Variants in CTNNA2 observed in about 807,000 individuals in gnomAD.
CTNNA2 encodes the protein catenin alpha-2.
In CTNNA2, 42 loss-of-function variants were observed where a neutral mutation model predicts 101.0. The observed-to-expected ratio is 0.42, with a 90% CI of 0.32 to 0.54. The LOEUF (loss-of-function observed/expected upper bound fraction) is 0.54, where lower values mean the gene tolerates loss of function less well. Ranked by LOEUF, CTNNA2 falls within the 20% of genes least tolerant of loss-of-function variation. The pLI, the probability that CTNNA2 is intolerant of heterozygous loss-of-function variation, is 0.14. For synonymous variants in CTNNA2, 450 were observed against 456.4 expected, an observed-to-expected ratio of 0.99 and a Z score of 0.18; for missense variants, 871 against 1,223.1, an observed-to-expected ratio of 0.71 and a Z score of 4.29.
At chr2:79,204,767 G>A (rs188294582) in intron 2 of CTNNA2, among the ~76,000 whole-genome samples, 3 of 152,312 alleles carry the variant, frequency 2.0e-5, no homozygotes, top group Non-Finnish European at 4.4e-5. Context: ...TGCCTTGATT[G>A]TTGCATCCTC....
At position 80,303,522 on chromosome 2, in the gene CTNNA2, G is replaced by A. The variant is rs1401927680; in HGVS notation, c.1057-89689G>A. The A allele has an allele frequency of 6.2e-7, 1 of 1,614,254 alleles. No homozygotes were observed. The highest frequency in any genetic ancestry group is 1.7e-5 in the Admixed American group (1 of 60,028). On this transcript the variant is annotated intron_variant, in intron 7 of 18. Coordinates refer to ENST00000402739, the MANE Select transcript of CTNNA2 (RefSeq NM_001282597.3). The surrounding 1 kb of genome is among the most constrained non-coding windows in gnomAD (Gnocchi z 7.7). ...GCGTCCCCCTGCACGGAGCAGATGT[G>A]ATTGTGATCCAGATAGAGCCACGTG... is the stretch of plus-strand genomic sequence containing the variant.
intron 2 of CTNNA2, among the ~76,000 whole-genome samples, chr2:79,288,932 CA>C (rs1192208212): frequency 6.6e-6 from 1 of 151,604 alleles, no homozygotes; most frequent in African/African-American, 2.4e-5. Context: ...AAAATTGAAA[CA>C]GAAAAAAGAA....
chr2:80,488,383 G>A (rs1474582205), intron 9 of CTNNA2, among the ~76,000 whole-genome samples: 1 of 152,146 alleles, frequency 6.6e-6, no homozygotes. Flanking sequence ...TATTTGGGTA[G>A]GGAAAATTCC....
chr2:80,610,785 T>C lies in CTNNA2; in HGVS notation c.2430+2467T>C, dbSNP rs1698400770. On this transcript the variant is annotated intron_variant, in intron 17 of 18. Transcript: ENST00000402739. ...CGTGTTTTTGTTTTATGTGATTCTA[T>C]GTATACAAACTGAGAAAGGCCTCTT... Among the ~76,000 whole-genome samples, 3 of 151,770 alleles carry C rather than the reference T, an allele frequency of 2.0e-5. No homozygotes were observed. In the South Asian group the frequency reaches 6.2e-4, roughly 31 times the overall value.
chr2:79,742,783 G>T (rs1375312135), intron 2 of CTNNA2, among the ~76,000 whole-genome samples: 1 of 152,098 alleles, frequency 6.6e-6, no homozygotes, highest in Non-Finnish European at 1.5e-5. Flanking sequence ...GCTAGTGTTT[G>T]TACTTAAATG....
intron 7 of CTNNA2, among the ~76,000 whole-genome samples, chr2:80,171,440 A>G (rs1705049951): frequency 6.6e-6 from 1 of 152,234 alleles, no homozygotes; most frequent in African/African-American, 2.4e-5. Context: ...AAAAGTAAAC[A>G]TTGTGGACAG....
intron 2 of CTNNA2, among the ~76,000 whole-genome samples, chr2:79,249,808 C>G (rs1256658950): frequency 6.6e-6 from 1 of 152,202 alleles, no homozygotes; most frequent in African/African-American, 2.4e-5. Context: ...TTAGTCCCCT[C>G]TTTAGATTAG....
chr2:79,714,961 C>T (rs540346434), intron 2 of CTNNA2, among the ~76,000 whole-genome samples: 5 of 148,134 alleles, frequency 3.4e-5, no homozygotes, highest in African/African-American at 1.0e-4. Flanking sequence ...GAGGCCAAGG[C>T]GGGCAGGTCA....
Position 79,726,591 on chromosome 2 carries a change from G to A in CTNNA2, c.103-17796G>A, listed in dbSNP as rs181355488. Among the ~76,000 whole-genome samples the A allele has an allele frequency of 1.2e-3, 181 of 152,200 alleles. 1 individual carries two copies. The highest frequency in any genetic ancestry group is 7.2e-4 in the Non-Finnish European group (49 of 68,002). On this transcript the variant is annotated intron_variant, in intron 2 of 18. Transcript: ENST00000402739. ...TCCTGAAACCATCCCTCCTCCCTCC[G>A]ACACATTCCCCCGGTGGAAAAATTG... is the stretch of plus-strand genomic sequence containing the variant.
chr2:79,258,845 C>CAAAAAAAAAA (rs869066159), intron 2 of CTNNA2, among the ~76,000 whole-genome samples: 1 of 91,372 alleles, frequency 1.1e-5, no homozygotes, highest in African/African-American at 4.7e-5. Flanking sequence ...AATCCTCTAC[C>CAAAAAAAAAA]AAAAAAAAAA....
intron 8 of CTNNA2, among the ~76,000 whole-genome samples, chr2:80,406,744 G>A (rs953837982): frequency 2.7e-5 from 4 of 146,472 alleles, no homozygotes; most frequent in Non-Finnish European, 6.0e-5. Context: ...GGAGAATGGC[G>A]TGAACCCGGG....
At chr2:80,460,733 C>T (rs181966955) in intron 9 of CTNNA2, among the ~76,000 whole-genome samples, 6 of 152,230 alleles carry the variant, frequency 3.9e-5, no homozygotes, top group Admixed American at 3.9e-4. Flanking sequence ...TTGCAACTTG[C>T]TTTTCTTATT....
chr2:79,606,651 TA>T (rs1341750217), intron 1 of CTNNA2, among the ~76,000 whole-genome samples: 18 of 152,168 alleles, frequency 1.2e-4, no homozygotes, highest in Admixed American at 1.1e-3. Context: ...GCCAGTTGAA[TA>T]AGTCCATAAG....
intron 3 of CTNNA2, among the ~76,000 whole-genome samples, chr2:79,323,051 G>C (rs1261977987): frequency 2.0e-5 from 3 of 152,136 alleles, no homozygotes; most frequent in Admixed American, 2.0e-4. Flanking sequence ...GAGCAGTGTA[G>C]AGGATAAACA....
chr2:79,897,843 A>G (rs1285646471), intron 6 of CTNNA2, among the ~76,000 whole-genome samples: 3 of 152,166 alleles, frequency 2.0e-5, no homozygotes, highest in Non-Finnish European at 4.4e-5. Flanking sequence ...TGCTCCCAAG[A>G]TGGTGCCCTT....
intron 1 of CTNNA2, among the ~76,000 whole-genome samples, chr2:79,193,653 G>T (rs953038620): frequency 2.6e-5 from 4 of 152,118 alleles, no homozygotes; most frequent in African/African-American, 4.8e-5. Context: ...TTCAAATAGG[G>T]CATCTCTAGT....
intron 7 of CTNNA2, among the ~76,000 whole-genome samples, chr2:80,100,015 C>T (rs942201950): frequency 2.0e-5 from 3 of 152,080 alleles, no homozygotes; most frequent in African/African-American, 4.8e-5. Context: ...CTGCAACCTC[C>T]ACCTCCCAGA....
chr2:79,798,114 G>A (rs1042837663), intron 3 of CTNNA2, among the ~76,000 whole-genome samples: 9 of 152,052 alleles, frequency 5.9e-5, no homozygotes. Flanking sequence ...CCCCATACTA[G>A]AACTGCTGAA....
chr2:80,061,669 A>G lies in CTNNA2; in HGVS notation c.1056+151872A>G, dbSNP rs1697609639. On this transcript the variant is annotated intron_variant, in intron 7 of 18. Transcript: ENST00000402739. ...TACTTCCTTTTTTGTTCAAATATAT[A>G]TATATGCATCTATCATTACATTTTA... 2.6e-5 allele frequency among the ~76,000 whole-genome samples: 4 copies of G among 152,308 alleles called. No homozygotes were observed. The South Asian group carries it at 8.3e-4, about 32-fold the overall frequency.
Sources: gnomAD v4.1 joint callset for allele counts (sites outside exome capture counted in the v4.1 genomes callset) on GRCh38, gnomAD v4.1.1 for gene constraint, Gnocchi (gnomAD v3.1) non-coding constraint, MANE v1.5 for transcripts, NCBI Gene and HGNC (gene_info 2026-07-23, HGNC 2026-07-21) for gene names.